Variants in KLF12 observed in about 807,000 individuals in gnomAD.
KLF12 encodes KLF transcription factor 12.
Under a neutral mutation model 37.8 loss-of-function variants are expected in KLF12, and 9 were observed. The observed-to-expected ratio is 0.24, with a 90% CI of 0.14 to 0.42. The LOEUF (loss-of-function observed/expected upper bound fraction) is 0.42. Ranked by LOEUF, KLF12 falls within the 10% of genes least tolerant of loss-of-function variation. KLF12 has a pLI of 1.00. For synonymous variants in KLF12, 208 were observed against 202.1 expected, an observed-to-expected ratio of 1.03 and a Z score of -0.25; for missense variants, 411 against 516.0, an observed-to-expected ratio of 0.80 and a Z score of 1.97.
chr13:73,832,478 G>A (rs917443938), intron 4 of KLF12, among the ~76,000 whole-genome samples: 3 of 152,162 alleles, frequency 2.0e-5, no homozygotes, highest in South Asian at 4.1e-4. Flanking sequence ...AGGCCACACC[G>A]GAGATGATTA....
chr13:73,960,396 T>A (rs921925741), intron 2 of KLF12: 1 of 300,738 alleles, frequency 3.3e-6, no homozygotes, highest in Admixed American at 2.8e-5. Context: ...TCTCACTTTT[T>A]AAAATAATTT....
the KLF12 span, among the ~76,000 whole-genome samples, chr13:74,188,817 G>A: frequency 1.3e-5 from 2 of 152,204 alleles, no homozygotes; most frequent in South Asian, 2.1e-4. Flanking sequence ...CCAACATGGC[G>A]AAACCCCGTC....
intron 3 of KLF12, among the ~76,000 whole-genome samples, chr13:73,852,092 T>C (rs1191370580): frequency 6.6e-6 from 1 of 152,190 alleles, no homozygotes; most frequent in Admixed American, 6.5e-5. Flanking sequence ...GAATGGAGTA[T>C]GCATTTCACT....
chr13:74,092,749 T>C (rs1469758573), intron 1 of KLF12, among the ~76,000 whole-genome samples: 1 of 152,078 alleles, frequency 6.6e-6, no homozygotes, highest in Non-Finnish European at 1.5e-5. Context: ...CTAAAACTCA[T>C]CAAGAAGACA....
intron 2 of KLF12, among the ~76,000 whole-genome samples, chr13:73,975,206 T>C (rs1175267217): frequency 6.6e-6 from 1 of 152,252 alleles, no homozygotes; most frequent in African/African-American, 2.4e-5. Flanking sequence ...CAATCTCTGC[T>C]CAGCTCGAGA....
At chr13:74,128,783 G>A (rs1428752141) in intron 1 of KLF12, among the ~76,000 whole-genome samples, 2 of 152,086 alleles carry the variant, frequency 1.3e-5, no homozygotes, top group Non-Finnish European at 2.9e-5. Flanking sequence ...TTCAAAGTGA[G>A]CACAGTATTA....
At chr13:73,924,952 C>A (rs1566463007) in intron 3 of KLF12, among the ~76,000 whole-genome samples, 1 of 152,208 alleles carries the variant, frequency 6.6e-6, no homozygotes, top group Admixed American at 6.5e-5. Flanking sequence ...CAGAGCAAGT[C>A]TCCAACTTTC....
At chr13:74,000,787 T>G (rs954649927) in intron 1 of KLF12, among the ~76,000 whole-genome samples, 1 of 152,178 alleles carries the variant, frequency 6.6e-6, no homozygotes, top group Non-Finnish European at 1.5e-5. Context: ...CATCATTCTG[T>G]GCACCCAGAG....
intron 1 of KLF12, among the ~76,000 whole-genome samples, chr13:74,045,526 A>G (rs1329633593): frequency 6.6e-6 from 1 of 152,130 alleles, no homozygotes. Context: ...GGAACTCAAA[A>G]GGGACTGCAG....
chr13:74,166,109 T>G, the KLF12 span, among the ~76,000 whole-genome samples: 21 of 126,212 alleles, frequency 1.7e-4, no homozygotes, highest in African/African-American at 7.8e-4. Context: ...TTTTTTTTTT[T>G]GAGATAGGGC....
At chr13:74,111,838 A>C (rs1876990506) in intron 1 of KLF12, among the ~76,000 whole-genome samples, 3 of 152,214 alleles carry the variant, frequency 2.0e-5, no homozygotes, top group Admixed American at 2.0e-4. Context: ...TGTGAAAGAT[A>C]TGTTTTTAAA....
At chr13:74,287,133 C>T in the KLF12 span, among the ~76,000 whole-genome samples, 1 of 152,174 alleles carries the variant, frequency 6.6e-6, no homozygotes, top group Non-Finnish European at 1.5e-5. Flanking sequence ...CTGCTGCAGG[C>T]TTTCCATCAG....
chr13:73,991,156 G>T (rs1268316928), intron 2 of KLF12, among the ~76,000 whole-genome samples: 1 of 151,988 alleles, frequency 6.6e-6, no homozygotes, highest in Non-Finnish European at 1.5e-5. Flanking sequence ...AATTCAAGAC[G>T]ATATTTTAAT....
chr13:73,767,327 C>G (rs771744408), intron 5 of KLF12, among the ~76,000 whole-genome samples: 53 of 152,324 alleles, frequency 3.5e-4, no homozygotes, highest in Admixed American at 1.2e-3. Context: ...TTATTCATGA[C>G]CTCCTGATTC....
At chr13:73,876,141 C>T (rs1350986267) in intron 3 of KLF12, among the ~76,000 whole-genome samples, 2 of 144,766 alleles carry the variant, frequency 1.4e-5, no homozygotes, top group Non-Finnish European at 3.0e-5. Context: ...GGGTGCTATA[C>T]TCAGCTAAAA....
intron 2 of KLF12, among the ~76,000 whole-genome samples, chr13:73,963,212 G>A (rs1438806986): frequency 1.3e-5 from 2 of 152,094 alleles, no homozygotes; most frequent in Middle Eastern, 3.4e-3. Flanking sequence ...AAGAATATGT[G>A]TGTTCTATTG....
chr13:74,220,442 A>C, the KLF12 span, among the ~76,000 whole-genome samples: 4 of 152,220 alleles, frequency 2.6e-5, no homozygotes, highest in Non-Finnish European at 4.4e-5. Context: ...ATTTATGTAC[A>C]TGATGTTTTG....
chr13:73,881,930 A>C (rs952042444), intron 3 of KLF12, among the ~76,000 whole-genome samples: 6 of 152,224 alleles, frequency 3.9e-5, no homozygotes, highest in African/African-American at 1.4e-4. Context: ...ATAAAATAAA[A>C]TAAACAGGTA....
At chr13:73,955,957 C>A (rs866320251) in intron 2 of KLF12, among the ~76,000 whole-genome samples, 2 of 152,200 alleles carry the variant, frequency 1.3e-5, no homozygotes, top group African/African-American at 2.4e-5. Flanking sequence ...ATTTTACCAA[C>A]CATGCTTGTC....
Sources: allele counts gnomAD v4.1 joint callset (sites outside exome capture counted in the v4.1 genomes callset), GRCh38; gene constraint gnomAD v4.1.1; transcripts MANE v1.5; gene names NCBI Gene and HGNC (gene_info 2026-07-23, HGNC 2026-07-21).